The following AKR1C2 variants were observed in gnomAD, a reference collection of about 807,000 sequenced individuals.
The protein encoded by AKR1C2 is 3-alpha-HSD3.
AKR1C2 carries 27 observed loss-of-function variants against 39.8 expected under a neutral mutation model. The ratio of observed to expected loss-of-function variants is 0.68; its 90% CI spans 0.50 to 0.93. The LOEUF is 0.93. AKR1C2 is among the 40% of genes least tolerant of loss of function. AKR1C2 has a pLI of 0.00. For missense variants in AKR1C2, 263 were observed against 365.1 expected (o/e 0.72, Z 2.28); for synonymous variants, 114 against 137.9 (o/e 0.83, Z 1.22).
chr10:4,995,962 A>G, intron 5 of AKR1C2, 97 bp from the exon 6 acceptor site: 1 of 1,389,104 alleles, frequency 7.2e-7, no homozygotes, highest in Non-Finnish European at 9.7e-7. Flanking sequence ...GTAGAGCATT[A>G]AATTTGAACT....
In AKR1C2 at chr10:4,988,073, G is replaced by A. The variant is rs1437846966; in HGVS notation, c.*1923C>T. 1.3e-5 allele frequency: 2 copies of A among 152,040 alleles called. No homozygotes were observed. The highest frequency in any genetic ancestry group is 2.9e-5 in the Non-Finnish European group (2 of 68,020). The allele number at this position is 152,040 out of a possible 1,614,324, so 9.4% of individuals were successfully genotyped here. A position where few individuals can be genotyped will look rare whatever the true frequency, so the allele number is the denominator to read the frequency against. On this transcript the variant is annotated 3_prime_UTR_variant, in exon 9 of 9. Coordinates refer to ENST00000380753, the MANE Select transcript of AKR1C2 (RefSeq NM_001393392.1). ...GAAGAACTGGAAAAAGCCCACAGCA[G>A]CCGTACTATTTACAAATGACTGACC...
At chr10:4,991,231 G>A (rs1373632296) in intron 8 of AKR1C2, among the ~76,000 whole-genome samples, 2 of 151,510 alleles carry the variant, frequency 1.3e-5, no homozygotes, top group African/African-American at 2.5e-5. Context: ...AAGGCCAAGT[G>A]CTCCTATTCG....
intron 5 of AKR1C2, among the ~76,000 whole-genome samples, chr10:4,997,718 A>G (rs1190572584): frequency 1.3e-5 from 2 of 152,198 alleles, no homozygotes; most frequent in Non-Finnish European, 2.9e-5. Flanking sequence ...TTATTAAATT[A>G]TCACAGCACC....
chr10:5,007,715 C>A (rs1837434484), upstream of AKR1C2, among the ~76,000 whole-genome samples: 1 of 151,474 alleles, frequency 6.6e-6, no homozygotes, highest in Non-Finnish European at 1.5e-5. Flanking sequence ...TTAGAATCAA[C>A]TTAAATGTCT....
At chr10:5,007,975 T>A (rs1400994306), upstream of AKR1C2, among the ~76,000 whole-genome samples, 6 of 151,130 alleles carry the variant, frequency 4.0e-5, no homozygotes, top group Admixed American at 2.6e-4. Context: ...TTCTTCATTC[T>A]GGGCACACTG....
intron 1 of AKR1C2, among the ~76,000 whole-genome samples, chr10:5,009,082 G>A (rs560258898): frequency 3.9e-5 from 6 of 152,350 alleles, no homozygotes; most frequent in Admixed American, 2.6e-4. Flanking sequence ...CTGGGAGGCT[G>A]TGGAGGAGGC....
intron 3 of AKR1C2, 135 bp from the exon 4 acceptor site, chr10:4,999,412 A>G: frequency 6.3e-7 from 1 of 1,588,722 alleles, no homozygotes; most frequent in Non-Finnish European, 8.6e-7. Context: ...GTATGTACAA[A>G]GTGTACTACA....
Position 5,003,796 on chromosome 10 carries a change from G to A in AKR1C2, c.40C>T (p.His14Tyr). Residue 14 changes from histidine to tyrosine, a missense_variant, in exon 1 of 9, where the codon CAC (histidine) becomes TAC (tyrosine). His to Tyr is a moderately conservative substitution (Grantham distance 83). Coordinates refer to ENST00000380753, the MANE Select transcript of AKR1C2 (RefSeq NM_001393392.1). ...CCAAATCCCAGGACAGGCATGAAGT[G>A]ACCATCATTCAGCTTCACACACTGG... The part of the protein sequence containing the change: ...KYQCVKLNDG[H>Y]FMPVLGFGTY... The A allele has an allele frequency of 6.2e-7, 1 of 1,614,082 alleles. No homozygotes were observed. Among genetic ancestry groups the A allele is most frequent in the Non-Finnish European group, 8.5e-7 (1 of 1,179,998 alleles).
intron 1 of AKR1C2, among the ~76,000 whole-genome samples, chr10:5,017,141 A>AT (rs1367287477): frequency 5.3e-5 from 8 of 152,128 alleles, no homozygotes; most frequent in African/African-American, 1.4e-4. Context: ...CCTTGGAGGC[A>AT]TTTTTCCCTA....
Position 4,999,236 on chromosome 10 carries a change from T to C in AKR1C2, c.411A>G (p.Ile137Met). 2 of 1,608,860 alleles carry C rather than the reference T, an allele frequency of 1.2e-6. No homozygotes were observed. Among genetic ancestry groups the C allele is most frequent in the Non-Finnish European group, 8.5e-7 (1 of 1,176,952 alleles). Reference sequence around the variant, plus strand: ...CACAGAGATCCACTGTGTCAAATAGTATTTTTCCATTTTCATCTTTTGGGA... The same window carrying C: ...CACAGAGATCCACTGTGTCAAATAGCATTTTTCCATTTTCATCTTTTGGGA... ...EVIPKDENGK[I>M]LFDTVDLCAT... is the part of the protein sequence containing the mutation. The change falls in exon 4 of 9, where the codon ATA becomes ATG. Residue 137 changes from isoleucine (I) to methionine (M), a missense_variant. Around this residue, in one of 3 missense-constraint regions of AKR1C2, gnomAD observed 247 missense variants for 267.9 expected, o/e 0.92. Transcript: ENST00000380753.
intron 1 of AKR1C2, among the ~76,000 whole-genome samples, chr10:5,010,063 G>C (rs1397908832): frequency 7.0e-6 from 1 of 143,736 alleles, no homozygotes; most frequent in Non-Finnish European, 1.5e-5. Flanking sequence ...GATATAGAAA[G>C]CTGTCACACT....
At chr10:5,001,456 C>G in intron 2 of AKR1C2, 58 bp downstream of exon 2, 1 of 1,562,586 alleles carries the variant, frequency 6.4e-7, no homozygotes, top group South Asian at 1.2e-5. Context: ...ATAGAACTGC[C>G]ACCTCCACAC....
intron 4 of AKR1C2, 152 bp downstream of exon 4, chr10:4,999,048 T>A: frequency 6.4e-7 from 1 of 1,560,568 alleles, no homozygotes; most frequent in Non-Finnish European, 8.7e-7. Flanking sequence ...TGCCTGTCAT[T>A]TCTTTTTCCT....
At chr10:5,002,321 A>T (rs1837298628) in intron 1 of AKR1C2, among the ~76,000 whole-genome samples, 1 of 152,152 alleles carries the variant, frequency 6.6e-6, no homozygotes, top group African/African-American at 2.4e-5. Flanking sequence ...CACCATTCTT[A>T]TCAGTTAGGA....
At chr10:5,005,770 G>T (rs530263928), upstream of AKR1C2, among the ~76,000 whole-genome samples, 1 of 152,244 alleles carries the variant, frequency 6.6e-6, no homozygotes, top group East Asian at 1.9e-4. Flanking sequence ...CATTCCTGAA[G>T]AATCACAGGC....
At chr10:4,998,777 T>C (rs199941714) in intron 4 of AKR1C2, 30 bp from the exon 5 acceptor site, 195 of 1,613,180 alleles carry the variant, frequency 1.2e-4, no homozygotes, top group Non-Finnish European at 1.1e-4. Flanking sequence ...AGGTATCATT[T>C]GTGTAGTCGA....
chr10:4,997,759 T>G (rs1339735036), intron 5 of AKR1C2, among the ~76,000 whole-genome samples: 1 of 151,884 alleles, frequency 6.6e-6, no homozygotes, highest in African/African-American at 2.4e-5. Flanking sequence ...AACAAAATTA[T>G]AACAAAAAAT....
chr10:4,999,479 A>G (rs1554773595), intron 3 of AKR1C2: 4 of 1,059,352 alleles, frequency 3.8e-6, no homozygotes, highest in Non-Finnish European at 4.0e-6. Context: ...TCTTACACCT[A>G]TTATATGTAT....
rs1410794470 is a variant in AKR1C2, at chr10:5,000,016, T to G, written c.369+534A>C. 2.9e-6 allele frequency: 3 copies of G among 1,033,230 alleles called. No individual in the cohort carries two copies. The African/African-American group carries it at 5.1e-5, about 18-fold the overall frequency. 64.0% of individuals were successfully genotyped at this position (1,033,230 alleles called of 1,614,324 possible). ...AGTACCTTAAGACAAAAGTTATGAATGACACAAGAATTCATGGCTAAGCAA... is the reference window on the plus strand; with the variant it reads ...AGTACCTTAAGACAAAAGTTATGAAGGACACAAGAATTCATGGCTAAGCAA... On this transcript the variant is annotated intron_variant, in intron 3 of 8. Coordinates refer to ENST00000380753, the MANE Select transcript of AKR1C2 (RefSeq NM_001393392.1).
Sources: gnomAD v4.1 joint callset for allele counts (sites outside exome capture counted in the v4.1 genomes callset) on GRCh38, gnomAD v4.1.1 for gene constraint, gnomAD v4.1.1 regional missense constraint, MANE v1.5 for transcripts, NCBI Gene and HGNC (gene_info 2026-07-23, HGNC 2026-07-21) for gene names.